CHST8: variants seen among roughly 807,000 people sequenced by gnomAD.
CHST8 encodes the protein carbohydrate sulfotransferase 8, also known as GALNAC-4-ST1.
CHST8 carries 10 observed loss-of-function variants against 15.0 expected under a neutral mutation model. The observed-to-expected ratio is 0.67, with a 90% CI of 0.41 to 1.13. CHST8 has a LOEUF of 1.13. Among genes scored for constraint, CHST8 ranks in the 50% most tolerant of loss-of-function variants. CHST8 has a pLI of 0.00. For synonymous variants in CHST8, 259 were observed against 256.6 expected (o/e 1.01, Z -0.09); for missense variants, 634 against 608.2 (o/e 1.04, Z -0.45).
chr19:33,746,554 T>G (rs767371088), intron 3 of CHST8, among the ~76,000 whole-genome samples: 12 of 152,254 alleles, frequency 7.9e-5, no homozygotes, highest in Non-Finnish European at 1.6e-4. Flanking sequence ...GCAAGCAGTA[T>G]TCCGTAGAAT....
chr19:33,771,322 T>C, intron 3 of CHST8, 91 bp from the exon 4 acceptor site: 2 of 1,296,136 alleles, frequency 1.5e-6, no homozygotes, highest in Non-Finnish European at 2.2e-6. Context: ...CCCTCCAGCC[T>C]GGATGTCCAC....
intron 1 of CHST8, among the ~76,000 whole-genome samples, chr19:33,644,042 C>T (rs1972317951): frequency 6.6e-6 from 1 of 152,194 alleles, no homozygotes; most frequent in African/African-American, 2.4e-5. Context: ...AAGCCATTCT[C>T]CTGTCTCAGC....
intron 3 of CHST8, among the ~76,000 whole-genome samples, chr19:33,740,094 T>C (rs928712163): frequency 4.6e-5 from 7 of 152,190 alleles, no homozygotes. Flanking sequence ...CCTGCAAGTT[T>C]TCCTGGAATT....
At chr19:33,690,469 C>T (rs997922941) in intron 3 of CHST8, among the ~76,000 whole-genome samples, 1 of 152,148 alleles carries the variant, frequency 6.6e-6, no homozygotes, top group Non-Finnish European at 1.5e-5. Flanking sequence ...AGATTGAGGG[C>T]CTGTGGGCAC....
intron 1 of CHST8, among the ~76,000 whole-genome samples, chr19:33,631,612 T>C (rs994212597): frequency 1.9e-4 from 29 of 152,210 alleles, no homozygotes; most frequent in African/African-American, 6.5e-4. Context: ...CTGCTTAGAT[T>C]TGGGGCCTCA....
intron 2 of CHST8, among the ~76,000 whole-genome samples, chr19:33,671,752 C>CT (rs970417486): frequency 1.2e-4 from 19 of 152,016 alleles, no homozygotes; most frequent in Admixed American, 1.0e-3. Context: ...ATTTCTCACC[C>CT]TCTAAGGTTA....
intron 3 of CHST8, among the ~76,000 whole-genome samples, chr19:33,754,721 G>A (rs1326901880): frequency 1.3e-5 from 2 of 152,306 alleles, no homozygotes; most frequent in Admixed American, 6.5e-5. Flanking sequence ...CAGAGGCAGG[G>A]GTGACAGCCT....
At chr19:33,758,650 A>C (rs961845126) in intron 3 of CHST8, among the ~76,000 whole-genome samples, 1 of 152,204 alleles carries the variant, frequency 6.6e-6, no homozygotes, top group Admixed American at 6.5e-5. Flanking sequence ...GCTGGGCCAC[A>C]GTGGTAATGA....
At chr19:33,689,445 G>A in intron 3 of CHST8, 54 bp downstream of exon 3, 2 of 1,497,854 alleles carry the variant, frequency 1.3e-6, no homozygotes, top group South Asian at 2.6e-5. Context: ...CCAGCCTGAA[G>A]CTCAGGCCTC....
Position 33,662,771 on chromosome 19 carries a change from A to G in CHST8, c.-163-4996A>G, listed in dbSNP as rs1259409535. Among the ~76,000 whole-genome samples, 2 of 152,130 alleles carry G rather than the reference A, an allele frequency of 1.3e-5. 1 individual carries two copies. The highest frequency in any genetic ancestry group is 2.9e-5 in the Non-Finnish European group (2 of 68,016). Reference sequence around the variant, plus strand: ...AGCTCTGGGTTCTGCCTGTTCCCGAACGCCAACCTTTGCTGCACTGCTCCC... The same window carrying G: ...AGCTCTGGGTTCTGCCTGTTCCCGAGCGCCAACCTTTGCTGCACTGCTCCC... On this transcript the variant is annotated intron_variant, in intron 1 of 4. Coordinates refer to ENST00000650847, the MANE Select transcript of CHST8 (RefSeq NM_001127895.2).
At chr19:33,751,450 A>T (rs369298) in intron 3 of CHST8, among the ~76,000 whole-genome samples, 1 of 152,124 alleles carries the variant, frequency 6.6e-6, no homozygotes, top group Non-Finnish European at 1.5e-5. Context: ...GGCATAGGTA[A>T]GTCACCTTCT....
intron 2 of CHST8, among the ~76,000 whole-genome samples, chr19:33,681,554 G>C (rs910151260): frequency 2.6e-5 from 4 of 152,210 alleles, no homozygotes. Context: ...GCAGGTGTGG[G>C]TGAGGGGTGC....
At chr19:33,748,307 G>T (rs554917297) in intron 3 of CHST8, among the ~76,000 whole-genome samples, 1 of 152,296 alleles carries the variant, frequency 6.6e-6, no homozygotes, top group East Asian at 1.9e-4. Context: ...GGACCTAATG[G>T]GTCCGAACCT....
intron 3 of CHST8, among the ~76,000 whole-genome samples, chr19:33,704,137 C>G (rs1162332700): frequency 6.6e-6 from 1 of 152,214 alleles, no homozygotes; most frequent in Non-Finnish European, 1.5e-5. Context: ...CCACCAAGCT[C>G]TGTGCCTGGT....
intron 3 of CHST8, among the ~76,000 whole-genome samples, chr19:33,715,542 T>C (rs751541291): frequency 1.3e-5 from 2 of 152,238 alleles, no homozygotes; most frequent in Non-Finnish European, 1.5e-5. Context: ...TCTGGTTGCC[T>C]TGACAACTCA....
chr19:33,697,669 C>T (rs1011158298), intron 3 of CHST8, among the ~76,000 whole-genome samples: 8 of 152,234 alleles, frequency 5.3e-5, no homozygotes, highest in Non-Finnish European at 8.8e-5. Flanking sequence ...GTGGCCTGGG[C>T]GGCTGCCTGT....
intron 3 of CHST8, among the ~76,000 whole-genome samples, chr19:33,743,919 G>A (rs1447908517): frequency 4.0e-5 from 6 of 151,758 alleles, no homozygotes; most frequent in Non-Finnish European, 8.8e-5. Flanking sequence ...AGCCTCCCAA[G>A]TAGCTGGGAT....
intron 1 of CHST8, among the ~76,000 whole-genome samples, chr19:33,661,421 G>C (rs1456062005): frequency 6.6e-6 from 1 of 152,250 alleles, no homozygotes; most frequent in South Asian, 2.1e-4. Flanking sequence ...TTTCACCCGA[G>C]TCCTCTGTCT....
At chr19:33,634,314 G>T (rs1249311307) in intron 1 of CHST8, among the ~76,000 whole-genome samples, 3 of 152,190 alleles carry the variant, frequency 2.0e-5, no homozygotes, top group African/African-American at 7.2e-5. Flanking sequence ...TTTCTCAGAT[G>T]ACGAATGCAG....
Sources: allele counts gnomAD v4.1 joint callset (sites outside exome capture counted in the v4.1 genomes callset), GRCh38; gene constraint gnomAD v4.1.1; transcripts MANE v1.5; gene names NCBI Gene and HGNC (gene_info 2026-07-23, HGNC 2026-07-21).